NBEAL2: variants seen among roughly 807,000 people sequenced by gnomAD.
The protein encoded by NBEAL2 is neurobeachin-like protein 2.
A neutral mutation model predicts 299.8 loss-of-function variants in NBEAL2; 160 were observed. The observed-to-expected ratio is 0.53, with a 90% CI of 0.47 to 0.61. The LOEUF is 0.61. NBEAL2 is among the 20% of genes least tolerant of loss of function. The pLI is 0.00. For missense variants in NBEAL2, 3,112 were observed against 3,649.0 expected (o/e 0.85, Z 3.79); for synonymous variants, 1,493 against 1,542.3 (o/e 0.97, Z 0.75).
At position 46,992,488 on chromosome 3, in the gene NBEAL2, C is replaced by G; in HGVS notation, c.1046C>G (p.Ser349Cys). The G allele has an allele frequency of 6.2e-7, 1 of 1,605,782 alleles. No homozygotes were observed. Among genetic ancestry groups the G allele is most frequent in the Non-Finnish European group, 8.5e-7 (1 of 1,176,650 alleles). ...ACTTCCCCACAGCTGTACCTGCAGT[C>G]CCGGGCGCCCCCCGAGGGGGACAGT... is the stretch of plus-strand genomic sequence containing the variant. ...LIQNSKLYLQSRAPPEGDSDL... is the reference protein window; with the variant it reads ...LIQNSKLYLQCRAPPEGDSDL... The change falls in exon 10 of 54, where the codon TCC becomes TGC. Residue 349 changes from serine to cysteine, a missense_variant. Physicochemically the swap from Ser to Cys is moderately radical, Grantham distance 112. This residue lies in a region of NBEAL2 where 2,243 missense variants were observed against 2,538.1 expected (regional missense o/e 0.88). Transcript: ENST00000450053.
chr3:47,006,590 G>C (rs2037462338), intron 45 of NBEAL2, 141 bp downstream of exon 45: 1 of 843,202 alleles, frequency 1.2e-6, no homozygotes, highest in Admixed American at 2.0e-5. Flanking sequence ...CTAAACATGG[G>C]AAGAGTATGG....
chr3:46,989,188 G>A lies in NBEAL2; in HGVS notation c.351+22G>A. 6.2e-7 allele frequency: 1 copy of A among 1,613,680 alleles called. No homozygotes were observed. The highest frequency in any genetic ancestry group is 8.5e-7 in the Non-Finnish European group (1 of 1,179,758). On this transcript the variant is annotated intron_variant, in intron 4 of 53. Coordinates refer to ENST00000450053, the MANE Select transcript of NBEAL2 (RefSeq NM_015175.3). The surrounding 1 kb of genome is among the most constrained non-coding windows in gnomAD (Gnocchi z 5.5). Reference sequence around the variant, plus strand: ...GGAGGTGAAGTGGCCTCTACCTTGGGGGGCAGAGGGTGTATGCAGGGAGGC... The same window carrying A: ...GGAGGTGAAGTGGCCTCTACCTTGGAGGGCAGAGGGTGTATGCAGGGAGGC...
Position 47,008,990 on chromosome 3 carries a change from C to G in NBEAL2, c.8029C>G (p.Leu2677Val). 6.3e-7 allele frequency: 1 copy of G among 1,599,150 alleles called. No homozygotes were observed. Among genetic ancestry groups the G allele is most frequent in the Non-Finnish European group, 8.5e-7 (1 of 1,179,830 alleles). Residue 2677 changes from leucine (L) to valine (V), a missense_variant and splice_region_variant, in exon 53 of 54, where the codon CTG becomes GTG. Around this residue, in one of 3 missense-constraint regions of NBEAL2, gnomAD observed 348 missense variants for 381.4 expected, o/e 0.91. Coordinates refer to ENST00000450053, the MANE Select transcript of NBEAL2 (RefSeq NM_015175.3). ...GTGTATATCCCCTCTCCCTTCCAGA[C>G]TGCTCCCGGCCGCGCCTCCCTTGCC... ...CALHILQLNTLLPAAPPLPMK... is the reference protein window; with the variant it reads ...CALHILQLNTVLPAAPPLPMK...
rs1461248682 is a variant in NBEAL2, at chr3:47,008,078, G to A, written c.7611G>A (p.Leu2537=). Reference sequence around the variant, plus strand: ...ACCCTGGTCCTCCACAGGGTGGTCTGTCAGTAGGCCTGGCACCAAAGCCTG... The same window carrying A: ...ACCCTGGTCCTCCACAGGGTGGTCTATCAGTAGGCCTGGCACCAAAGCCTG... ...MVWRLLHQGG[L]SVGLAPKPVQ... is the part of the protein sequence containing the mutation. Residue 2537 remains leucine, a synonymous_variant, in exon 50 of 54, where the codon CTG becomes CTA. Transcript: ENST00000450053. 6.2e-7 allele frequency: 1 copy of A among 1,613,986 alleles called. No homozygotes were observed. Among genetic ancestry groups the A allele is most frequent in the South Asian group, 1.1e-5 (1 of 91,070 alleles).
In NBEAL2 at chr3:46,996,485, A is replaced by C; in HGVS notation, c.2366A>C (p.Gln789Pro). 1.3e-6 allele frequency: 2 copies of C among 1,592,084 alleles called. No individual in the cohort carries two copies. ...ATCGACTCTACCCTCGCAGGCACCC[A>C]GGACACTCGGTGGGGCAGCCCCACA... ...GSIDSTLAGTQDTRWGSPTSL... is the reference protein window; with the variant it reads ...GSIDSTLAGTPDTRWGSPTSL... The change falls in exon 16 of 54, where the codon CAG becomes CCG. Residue 789 changes from glutamine (Q) to proline (P), a missense_variant. By Grantham distance (76) the Gln-to-Pro change is moderately conservative. Around this residue, in one of 3 missense-constraint regions of NBEAL2, gnomAD observed 2,243 missense variants for 2,538.1 expected, o/e 0.88. Transcript: ENST00000450053.
Position 46,979,697 on chromosome 3 carries a change from G to T in NBEAL2, c.-165G>T, listed in dbSNP as rs2035163685. 3.2e-6 allele frequency: 1 copy of T among 310,908 alleles called. No individual in the cohort carries two copies. The highest frequency in any genetic ancestry group is 5.9e-6 in the Non-Finnish European group (1 of 169,218). 19.3% of individuals were successfully genotyped at this position (310,908 alleles called of 1,614,324 possible). On this transcript the variant is annotated 5_prime_UTR_variant, in exon 1 of 54. Coordinates refer to ENST00000450053, the MANE Select transcript of NBEAL2 (RefSeq NM_015175.3). ...GAGGAGGAGCGAGCAGACTTGGGTG[G>T]CTCTGCGCCGCGGAGGCCACAGCCG... is the stretch of plus-strand genomic sequence containing the variant.
Position 47,005,097 on chromosome 3 carries a change from G to A in NBEAL2, c.6419+1G>A, listed in dbSNP as rs1402213879. The A allele has an allele frequency of 6.2e-7, 1 of 1,613,836 alleles. No individual in the cohort carries two copies. The highest frequency in any genetic ancestry group is 8.5e-7 in the Non-Finnish European group (1 of 1,179,882). On this transcript the variant is annotated splice_donor_variant, in intron 39 of 53. Transcript: ENST00000450053. LOFTEE classifies it high-confidence loss of function. Reference sequence around the variant, plus strand: ...AGCATGCCCAGCTCGTGAGGGAGAAGTGAGCATGTGGGCAGGGCTGGGCTC... The same window carrying A: ...AGCATGCCCAGCTCGTGAGGGAGAAATGAGCATGTGGGCAGGGCTGGGCTC...
At chr3:46,999,563 G>A in intron 25 of NBEAL2, 67 bp from the exon 26 acceptor site, 1 of 1,587,060 alleles carries the variant, frequency 6.3e-7, no homozygotes, top group Non-Finnish European at 8.6e-7. Context: ...TGGCATAGGG[G>A]CCAGGGCTGG....
rs2037611907 is a variant in NBEAL2, at chr3:47,008,264, C to T, written c.7720-19C>T. ...GGAGCCCAGACTCCTGCCCAGGACC[C>T]TAAGTTGCCTTCCTGCAGGATGGAA... On this transcript the variant is annotated intron_variant, in intron 50 of 53. Transcript: ENST00000450053. The T allele has an allele frequency of 6.2e-7, 1 of 1,613,040 alleles. No homozygotes were observed. The highest frequency in any genetic ancestry group is 8.5e-7 in the Non-Finnish European group (1 of 1,179,420).
intron 43 of NBEAL2, 34 bp from the exon 44 acceptor site, chr3:47,006,131 C>G: frequency 6.2e-7 from 1 of 1,613,278 alleles, no homozygotes; most frequent in Non-Finnish European, 8.5e-7. Flanking sequence ...AGAGGGCACG[C>G]AGGGAGCCCT....
chr3:47,002,063 T>C lies in NBEAL2; in HGVS notation c.4926T>C (p.Thr1642=). ...VLNTSSLESA[T]DEAGSPLAAA... Reference sequence around the variant, plus strand: ...ACACCTCTTCCTTGGAGTCAGCCACTGATGAGGCAGGGTCCCCACTTGCAG... The same window carrying C: ...ACACCTCTTCCTTGGAGTCAGCCACCGATGAGGCAGGGTCCCCACTTGCAG... Residue 1642 remains threonine (T), a synonymous_variant, in exon 31 of 54, where the codon ACT becomes ACC. Transcript: ENST00000450053. 1 of 1,553,160 alleles carries C rather than the reference T, an allele frequency of 6.4e-7. No homozygotes were observed.
At position 46,995,097 on chromosome 3, in the gene NBEAL2, G is replaced by A; in HGVS notation, c.1362G>A (p.Val454=). 1 of 1,571,422 alleles carries A rather than the reference G, an allele frequency of 6.4e-7. No homozygotes were observed. Among genetic ancestry groups the A allele is most frequent in the Admixed American group, 1.8e-5 (1 of 54,942 alleles). The change falls in exon 13 of 54, where the codon GTG becomes GTA. Residue 454 remains valine, a synonymous_variant. Transcript: ENST00000450053. The part of the protein sequence containing the change: ...PPIRNEQPVL[V]LAQWLPSLPT... ...TCCGCAACGAGCAGCCGGTACTGGT[G>A]CTGGCGCAGTGGCTGCCGTCATTGC...
chr3:47,003,377 C>T lies in NBEAL2; in HGVS notation c.5720+68C>T. ...GGGGTCTGCTCCAGTGTGTGCATGC[C>T]TCTGTGGGATCAACTCCCTGAGTGT... On this transcript the variant is annotated intron_variant, in intron 35 of 53. Transcript: ENST00000450053. This position sits in a 1 kb window ranked among gnomAD's most constrained non-coding sequence, Gnocchi z 7.0. The T allele has an allele frequency of 1.3e-6, 2 of 1,557,806 alleles. No individual in the cohort carries two copies. Among genetic ancestry groups the T allele is most frequent in the Non-Finnish European group, 1.7e-6 (2 of 1,150,616 alleles).
At position 46,995,115 on chromosome 3, in the gene NBEAL2, G is replaced by A. The variant is rs114363730; in HGVS notation, c.1380G>A (p.Pro460=). Residue 460 remains proline, a synonymous_variant, in exon 13 of 54, where the codon CCG becomes CCA. Coordinates refer to ENST00000450053, the MANE Select transcript of NBEAL2 (RefSeq NM_015175.3). ...QPVLVLAQWL[P]SLPTAELRLF... is the part of the protein sequence containing the mutation. Reference sequence around the variant, plus strand: ...TACTGGTGCTGGCGCAGTGGCTGCCGTCATTGCCCACCGCTGAGCTGCGGC... The same window carrying A: ...TACTGGTGCTGGCGCAGTGGCTGCCATCATTGCCCACCGCTGAGCTGCGGC... 2,874 of 1,573,864 alleles carry A rather than the reference G, an allele frequency of 1.8e-3. 31 individuals are homozygous for A. In the African/African-American group the frequency reaches 0.029, roughly 16 times the overall value.
rs1403896540 is a variant in NBEAL2 at position 46,988,949 on chromosome 3, A to G, written c.248A>G (p.Lys83Arg). Reference protein sequence around the residue: ...ADLEQALLLLKLFIILCRNLE... With the variant: ...ADLEQALLLLRLFIILCRNLE... ...CTGGAGCAAGCCCTCCTGCTGCTCAAGCTCTTCATCATTCTCTGCAGGTGT... is the reference window on the plus strand; with the variant it reads ...CTGGAGCAAGCCCTCCTGCTGCTCAGGCTCTTCATCATTCTCTGCAGGTGT... Residue 83 changes from lysine (K) to arginine (R), a missense_variant, in exon 3 of 54, where the codon AAG becomes AGG. Coordinates refer to ENST00000450053, the MANE Select transcript of NBEAL2 (RefSeq NM_015175.3). This position sits in a 1 kb window ranked among gnomAD's most constrained non-coding sequence, Gnocchi z 4.4. 1.2e-6 allele frequency: 2 copies of G among 1,612,812 alleles called. No homozygotes were observed. Among genetic ancestry groups the G allele is most frequent in the Admixed American group, 1.7e-5 (1 of 59,968 alleles).
chr3:47,008,220 T>A (rs892567650), intron 50 of NBEAL2, 34 bp downstream of exon 50: 1 of 1,613,302 alleles, frequency 6.2e-7, no homozygotes, highest in Non-Finnish European at 8.5e-7. Context: ...GGAGGGTGAG[T>A]TTCCTGGGCA....
chr3:46,989,220 TA>T lies in NBEAL2; in HGVS notation c.352-39del. The T allele has an allele frequency of 6.2e-7, 1 of 1,612,756 alleles. No individual in the cohort carries two copies. The highest frequency in any genetic ancestry group is 2.2e-5 in the East Asian group (1 of 44,844). On this transcript the variant is annotated intron_variant, in intron 4 of 53. Transcript: ENST00000450053. The surrounding 1 kb of genome is among the most constrained non-coding windows in gnomAD (Gnocchi z 5.5). ...AGGGTGTATGCAGGGAGGCAGGCGG[TA>T]GCCATGGCGGGGCTAACCCTCTCTC...
Position 46,998,542 on chromosome 3 carries a change from G to A in NBEAL2, c.3198G>A (p.Leu1066=). 6.2e-7 allele frequency: 1 copy of A among 1,612,110 alleles called. No homozygotes were observed. Among genetic ancestry groups the A allele is most frequent in the Non-Finnish European group, 8.5e-7 (1 of 1,179,234 alleles). ...LRKKYGVQFI[L]DALRTHYSPQ... is the part of the protein sequence containing the mutation. ...AGAAGTACGGCGTCCAGTTTATCTTGGATGCTCTGCGCACCCACTACAGGT... is the reference window on the plus strand; with the variant it reads ...AGAAGTACGGCGTCCAGTTTATCTTAGATGCTCTGCGCACCCACTACAGGT... Residue 1066 remains leucine, a synonymous_variant, in exon 22 of 54, where the codon TTG becomes TTA. Coordinates refer to ENST00000450053, the MANE Select transcript of NBEAL2 (RefSeq NM_015175.3).
rs2036430699 is a variant in NBEAL2 at position 46,995,569 on chromosome 3, C to T, written c.1834C>T (p.His612Tyr). ...CACCTTTCATGCCTGGCTCTGTCTG[C>T]ACCCTATGGATACAGCACCTACCCC... Reference protein sequence around the residue: ...GFTFHAWLCLHPMDTAPTPAP... With the variant: ...GFTFHAWLCLYPMDTAPTPAP... Residue 612 changes from histidine (H) to tyrosine (Y), a missense_variant, in exon 13 of 54, where the codon CAC (histidine) becomes TAC (tyrosine). Transcript: ENST00000450053. 3.7e-6 allele frequency: 6 copies of T among 1,612,654 alleles called. No individual in the cohort carries two copies. In the African/African-American group the frequency reaches 4.0e-5, roughly 11 times the overall value.
Sources: gnomAD v4.1 joint callset for allele counts on GRCh38, gnomAD v4.1.1 for gene constraint, gnomAD v4.1.1 regional missense constraint, Gnocchi (gnomAD v3.1) non-coding constraint, MANE v1.5 for transcripts, NCBI Gene and HGNC (gene_info 2026-07-23, HGNC 2026-07-21) for gene names.